Variants in CDON observed in about 807,000 individuals in gnomAD.
CDON encodes cell adhesion molecule-related/down-regulated by oncogenes.
Under a neutral mutation model 120.9 loss-of-function variants are expected in CDON, and 73 were observed. That is an observed-to-expected ratio of 0.60 (90% CI 0.50 to 0.73). CDON has a LOEUF of 0.73. Ranked by LOEUF, CDON falls within the 30% of genes least tolerant of loss-of-function variation. The pLI, the probability that CDON is intolerant of heterozygous loss-of-function variation, is 0.00. For missense variants in CDON, 1,470 were observed against 1,587.3 expected, an observed-to-expected ratio of 0.93 and a Z score of 1.26; for synonymous variants, 566 against 573.5, an observed-to-expected ratio of 0.99 and a Z score of 0.19.
intron 11 of CDON, among the ~76,000 whole-genome samples, chr11:126,000,074 C>T (rs975223163): frequency 2.0e-5 from 3 of 152,188 alleles, no homozygotes; most frequent in African/African-American, 7.2e-5. Context: ...GAGTGACTGA[C>T]TTAGATATTT....
chr11:126,042,249 T>C (rs1228288010), intron 1 of CDON, among the ~76,000 whole-genome samples: 2 of 152,242 alleles, frequency 1.3e-5, no homozygotes, highest in Non-Finnish European at 2.9e-5. Flanking sequence ...TTTTAAAATA[T>C]TGTACAAGTA....
chr11:125,990,816 A>C (rs868867903), intron 14 of CDON, among the ~76,000 whole-genome samples: 9 of 152,308 alleles, frequency 5.9e-5, no homozygotes, highest in African/African-American at 2.2e-4. Flanking sequence ...CTTCACTTGT[A>C]CAGACCCGCG....
intron 10 of CDON, among the ~76,000 whole-genome samples, chr11:126,003,321 T>C (rs1316946942): frequency 6.6e-6 from 1 of 152,186 alleles, no homozygotes; most frequent in African/African-American, 2.4e-5. Context: ...AAGTATAAGC[T>C]CTGTCGGGAT....
intron 1 of CDON, among the ~76,000 whole-genome samples, chr11:126,057,167 G>A (rs1840607078): frequency 6.6e-6 from 1 of 152,122 alleles, no homozygotes; most frequent in Non-Finnish European, 1.5e-5. Context: ...ATAAAAATGA[G>A]GTCATGGTTG....
At chr11:125,971,193 C>A (rs146510573) in intron 18 of CDON, among the ~76,000 whole-genome samples, 1 of 152,042 alleles carries the variant, frequency 6.6e-6, no homozygotes, top group Non-Finnish European at 1.5e-5. Context: ...ACCATCCTGG[C>A]TAACACAGTG....
chr11:126,035,235 T>C lies in CDON; in HGVS notation c.-61-11698A>G, dbSNP rs574944515. 6.9e-4 allele frequency among the ~76,000 whole-genome samples: 105 copies of C among 152,314 alleles called. 1 individual carries two copies. The highest frequency in any genetic ancestry group is 2.4e-3 in the Admixed American group (36 of 15,294). On this transcript the variant is annotated intron_variant, in intron 1 of 19. Transcript: ENST00000531738. ...TTATTCAAATATACACAGTCAAGCA[T>C]TGAAAAGGCAGATAAGAAAAAAACA...
chr11:125,972,678 G>A (rs1227903482), intron 18 of CDON, among the ~76,000 whole-genome samples: 1 of 152,094 alleles, frequency 6.6e-6, no homozygotes, highest in Admixed American at 6.6e-5. Flanking sequence ...AGGGGTCAAG[G>A]GTTGGCAATG....
intron 19 of CDON, 88 bp from the exon 20 acceptor site, chr11:125,961,193 CAAG>C (rs1945634731): frequency 8.2e-7 from 1 of 1,219,926 alleles, no homozygotes; most frequent in Non-Finnish European, 1.2e-6. Flanking sequence ...CACTTTGAGC[CAAG>C]AAGAAAGAAA....
intron 1 of CDON, among the ~76,000 whole-genome samples, chr11:126,048,066 C>A (rs768124484): frequency 6.6e-6 from 1 of 151,964 alleles, no homozygotes; most frequent in East Asian, 1.9e-4. Context: ...CACTTGAGGT[C>A]GGAAGTTCAA....
intron 18 of CDON, among the ~76,000 whole-genome samples, chr11:125,965,953 G>A (rs756807499): frequency 6.6e-6 from 1 of 152,130 alleles, no homozygotes; most frequent in Non-Finnish European, 1.5e-5. Context: ...TGACCAACAT[G>A]GAGAAACCGC....
chr11:126,009,332 G>A (rs922851149), intron 8 of CDON, among the ~76,000 whole-genome samples: 1 of 152,172 alleles, frequency 6.6e-6, no homozygotes, highest in Non-Finnish European at 1.5e-5. Context: ...CTCTGCCAAG[G>A]ACCCCCCGTT....
At chr11:125,976,939 T>C (rs1271002619) in intron 18 of CDON, among the ~76,000 whole-genome samples, 1 of 152,196 alleles carries the variant, frequency 6.6e-6, no homozygotes, top group East Asian at 1.9e-4. Flanking sequence ...AGAGATCCTG[T>C]CGTTATACCA....
chr11:126,008,891 T>A (rs7120201), intron 8 of CDON, among the ~76,000 whole-genome samples: 4,324 of 152,312 alleles, frequency 0.028, 221 homozygotes, highest in African/African-American at 0.1. Context: ...AAGAGATCAC[T>A]GTAATTTAAT....
Position 125,995,061 on chromosome 11 carries a change from GAAAACA to G in CDON, c.2363-15_2363-10del, listed in dbSNP as rs991921231. The G allele has an allele frequency of 1.2e-6, 2 of 1,607,734 alleles. No individual in the cohort carries two copies. Among genetic ancestry groups the G allele is most frequent in the African/African-American group, 2.7e-5 (2 of 74,308 alleles). On this transcript the variant is annotated splice_polypyrimidine_tract_variant and intron_variant, in intron 12 of 19. Transcript: ENST00000531738. The stretch of plus-strand genomic sequence containing the variant: ...AAATTTGTATGTTGAACCTTTGAGG[GAAAACA>G]AAAACAAACAAACAACAACAACAAA...
At chr11:126,030,508 G>A (rs1352005681) in intron 1 of CDON, among the ~76,000 whole-genome samples, 2 of 152,154 alleles carry the variant, frequency 1.3e-5, no homozygotes, top group Non-Finnish European at 2.9e-5. Context: ...ATCAGTTATA[G>A]TTCTTCAAAA....
chr11:125,994,234 T>C, intron 14 of CDON, 50 bp downstream of exon 14: 1 of 931,170 alleles, frequency 1.1e-6, no homozygotes, highest in Non-Finnish European at 1.8e-6. Flanking sequence ...TCATAAACCT[T>C]CTTTCTCCAA....
intron 16 of CDON, among the ~76,000 whole-genome samples, chr11:125,981,532 AT>A (rs984410550): frequency 1.3e-5 from 2 of 152,218 alleles, no homozygotes; most frequent in Non-Finnish European, 2.9e-5. Context: ...AAATAAAAAC[AT>A]TTTTAAAATG....
rs1040211705 is a variant in CDON, at chr11:125,957,217, C to A, written c.*3725G>T. Reference sequence around the variant, plus strand: ...GGAGGTGGGCCTGCCTCCACATCGCCCCCAGGGTCAGGTATGTTCTCAGCG... The same window carrying A: ...GGAGGTGGGCCTGCCTCCACATCGCACCCAGGGTCAGGTATGTTCTCAGCG... On this transcript the variant is annotated 3_prime_UTR_variant, in exon 20 of 20. Transcript: ENST00000531738. 6.6e-6 allele frequency: 1 copy of A among 152,220 alleles called. No individual in the cohort carries two copies. Among genetic ancestry groups the A allele is most frequent in the East Asian group, 1.9e-4 (1 of 5,190 alleles). The allele number at this position is 152,220 out of a possible 1,614,324, so 9.4% of individuals were successfully genotyped here.
intron 12 of CDON, among the ~76,000 whole-genome samples, chr11:125,996,829 T>C (rs1440268762): frequency 6.6e-6 from 1 of 151,892 alleles, no homozygotes; most frequent in Admixed American, 6.6e-5. Context: ...CACATTTTTA[T>C]ACAATAAGCG....
Sources: allele counts gnomAD v4.1 joint callset (sites outside exome capture counted in the v4.1 genomes callset), GRCh38; gene constraint gnomAD v4.1.1; transcripts MANE v1.5; gene names NCBI Gene and HGNC (gene_info 2026-07-23, HGNC 2026-07-21).